The following DNAH14 variants were observed in gnomAD, a reference collection of about 807,000 sequenced individuals.
The protein encoded by DNAH14 is axonemal beta dynein heavy chain 14.
A neutral mutation model predicts 520.9 loss-of-function variants in DNAH14; 478 were observed. That is an observed-to-expected ratio of 0.92 (90% CI 0.85 to 0.99). DNAH14 has a LOEUF of 0.99. DNAH14 is among the 50% of genes least tolerant of loss of function. The pLI is 0.00. For synonymous variants in DNAH14, 1,581 were observed against 1,757.2 expected, an observed-to-expected ratio of 0.90 and a Z score of 2.51; for missense variants, 4,831 against 5,234.5, an observed-to-expected ratio of 0.92 and a Z score of 2.38.
At chr1:225,239,300 C>T (rs1422922302) in intron 42 of DNAH14, among the ~76,000 whole-genome samples, 1 of 152,064 alleles carries the variant, frequency 6.6e-6, no homozygotes, top group Non-Finnish European at 1.5e-5. Context: ...TGTGTGGGAC[C>T]CAAGCCCCTG....
chr1:225,195,064 T>C (rs2085948684), intron 38 of DNAH14, among the ~76,000 whole-genome samples: 1 of 152,132 alleles, frequency 6.6e-6, no homozygotes, highest in African/African-American at 2.4e-5. Context: ...TGTGGGAATG[T>C]AAATTAGTTC....
Position 225,335,426 on chromosome 1 carries a change from C to T in DNAH14, c.10081-1840C>T, listed in dbSNP as rs1205778187. ...ACATGTGTGTGTATGCACATATGCA[C>T]GTGTGTACATGTGTGTGTATGCACA... On this transcript the variant is annotated intron_variant, in intron 66 of 85. Transcript: ENST00000682510. Among the ~76,000 whole-genome samples the T allele has an allele frequency of 2.8e-5, 3 of 105,334 alleles. 1 individual carries two copies. The Admixed American group carries it at 2.9e-4, about 10-fold the overall frequency. 69.1% of individuals were successfully genotyped at this position (105,334 alleles called of 152,430 possible). A position where few individuals can be genotyped will look rare whatever the true frequency, so the allele number is the denominator to read the frequency against.
intron 66 of DNAH14, among the ~76,000 whole-genome samples, chr1:225,335,665 A>G (rs188343596): frequency 3.7e-5 from 4 of 109,344 alleles, no homozygotes; most frequent in Non-Finnish European, 5.4e-5. Flanking sequence ...ATATATACAT[A>G]TGTGCATATA....
At position 225,367,932 on chromosome 1, in the gene DNAH14, T is replaced by A. The variant is rs760882266; in HGVS notation, c.12218T>A (p.Leu4073Ter). 1 of 1,551,678 alleles carries A rather than the reference T, an allele frequency of 6.4e-7. No homozygotes were observed. The highest frequency in any genetic ancestry group is 1.2e-5 in the South Asian group (1 of 84,062). Residue 4073 changes from leucine (L) to a stop codon, truncating the protein, a stop_gained, in exon 77 of 86, where the codon TTA becomes TAA. Coordinates refer to ENST00000682510, the MANE Select transcript of DNAH14 (RefSeq NM_001367479.1). LOFTEE classifies it high-confidence loss of function. The stretch of plus-strand genomic sequence containing the variant: ...TGTGGACAATGGTGGAAAAAACTTT[T>A]ATTTAGCCTATGTTTTTTCAATGCT... ...PDCGQWWKKL[L>*]FSLCFFNAVI...
At chr1:225,253,648 G>A (rs1430758447) in intron 44 of DNAH14, among the ~76,000 whole-genome samples, 1 of 151,766 alleles carries the variant, frequency 6.6e-6, no homozygotes, top group African/African-American at 2.4e-5. Flanking sequence ...TGTTTTGAAG[G>A]TCACCCAACA....
At chr1:225,013,593 G>A (rs2064979359) in intron 10 of DNAH14, among the ~76,000 whole-genome samples, 1 of 152,170 alleles carries the variant, frequency 6.6e-6, no homozygotes, top group African/African-American at 2.4e-5. Flanking sequence ...CAAGGAGATG[G>A]GAGTTTTATC....
intron 75 of DNAH14, among the ~76,000 whole-genome samples, chr1:225,364,228 T>C (rs576655938): frequency 3.9e-5 from 6 of 152,328 alleles, no homozygotes; most frequent in African/African-American, 1.4e-4. Flanking sequence ...TTTCAGACCA[T>C]GTACAGACAT....
At chr1:225,267,539 C>T (rs1461995675) in intron 49 of DNAH14, among the ~76,000 whole-genome samples, 1 of 152,088 alleles carries the variant, frequency 6.6e-6, no homozygotes, top group Non-Finnish European at 1.5e-5. Flanking sequence ...ATCCGCCTGC[C>T]TCGGCCTCCC....
chr1:225,315,705 C>A (rs967297181), intron 60 of DNAH14, among the ~76,000 whole-genome samples: 2 of 152,186 alleles, frequency 1.3e-5, no homozygotes, highest in Non-Finnish European at 2.9e-5. Flanking sequence ...TTCTGCAGGT[C>A]TGCTGGAATT....
chr1:225,137,517 G>A (rs998512255), intron 27 of DNAH14, among the ~76,000 whole-genome samples: 1 of 151,976 alleles, frequency 6.6e-6, no homozygotes, highest in Non-Finnish European at 1.5e-5. Flanking sequence ...CACTACACCC[G>A]GCTAATTTTT....
intron 39 of DNAH14, among the ~76,000 whole-genome samples, chr1:225,204,479 T>C (rs564809234): frequency 6.6e-6 from 1 of 152,308 alleles, no homozygotes; most frequent in East Asian, 1.9e-4. Context: ...AATTACATTA[T>C]ATAAGCACTA....
intron 41 of DNAH14, among the ~76,000 whole-genome samples, chr1:225,221,037 A>G (rs945418624): frequency 6.6e-6 from 1 of 152,226 alleles, no homozygotes; most frequent in African/African-American, 2.4e-5. Flanking sequence ...GAAACTTGAC[A>G]AAAACAAGCA....
chr1:225,159,527 G>A (rs1467329043), intron 35 of DNAH14, 42 bp downstream of exon 35: 5 of 1,442,238 alleles, frequency 3.5e-6, no homozygotes, highest in Admixed American at 2.9e-5. Flanking sequence ...ATTTGGATGT[G>A]GAATATCAAT....
chr1:225,175,796 G>C (rs541380395), intron 36 of DNAH14, among the ~76,000 whole-genome samples: 1 of 147,240 alleles, frequency 6.8e-6, no homozygotes, highest in African/African-American at 2.5e-5. Flanking sequence ...GACTTAGTTA[G>C]TAAGTCTCAC....
chr1:225,162,590 G>T (rs772038131), intron 35 of DNAH14, among the ~76,000 whole-genome samples: 7 of 152,122 alleles, frequency 4.6e-5, no homozygotes, highest in African/African-American at 1.7e-4. Context: ...TTGGTATTTT[G>T]ATAGGACTGC....
intron 54 of DNAH14, among the ~76,000 whole-genome samples, chr1:225,287,146 A>G (rs2093765901): frequency 6.6e-6 from 1 of 152,196 alleles, no homozygotes; most frequent in Non-Finnish European, 1.5e-5. Flanking sequence ...AACACATGAC[A>G]CTATATATTT....
chr1:224,955,401 G>A (rs1311168748), intron 3 of DNAH14, among the ~76,000 whole-genome samples: 1 of 151,886 alleles, frequency 6.6e-6, no homozygotes, highest in Non-Finnish European at 1.5e-5. Flanking sequence ...TTTTTTTGAG[G>A]TACAGACCTT....
At chr1:225,270,695 A>G (rs1167284957) in intron 49 of DNAH14, 40 bp from the exon 50 acceptor site, 10 of 1,535,870 alleles carry the variant, frequency 6.5e-6, no homozygotes, top group Non-Finnish European at 7.9e-6. Context: ...CACTTCCTAC[A>G]GATACATTCA....
At position 225,204,246 on chromosome 1, in the gene DNAH14, A is replaced by G; in HGVS notation, c.5950A>G (p.Lys1984Glu). Residue 1984 changes from lysine to glutamate, a missense_variant, in exon 39 of 86, where the codon AAA (lysine) becomes GAA (glutamate). Transcript: ENST00000682510. Reference sequence around the variant, plus strand: ...TGATAATATTTTTGAGGAGATAGAGAAAGTTGTTAAAATTCCAGAAAATCA... The same window carrying G: ...TGATAATATTTTTGAGGAGATAGAGGAAGTTGTTAAAATTCCAGAAAATCA... Reference protein sequence around the residue: ...TDDNIFEEIEKVVKIPENHNF... With the variant: ...TDDNIFEEIEEVVKIPENHNF... 6.7e-7 allele frequency: 1 copy of G among 1,492,008 alleles called. No homozygotes were observed. Among genetic ancestry groups the G allele is most frequent in the Non-Finnish European group, 8.9e-7 (1 of 1,127,666 alleles). 92.4% of individuals were successfully genotyped at this position (1,492,008 alleles called of 1,614,324 possible).
Sources: allele counts gnomAD v4.1 joint callset (sites outside exome capture counted in the v4.1 genomes callset), GRCh38; gene constraint gnomAD v4.1.1; transcripts MANE v1.5; gene names NCBI Gene and HGNC (gene_info 2026-07-23, HGNC 2026-07-21).